The following ART3 variants were observed in gnomAD, a reference collection of about 807,000 sequenced individuals.
ART3 encodes ecto-ADP-ribosyltransferase 3.
ART3 carries 49 observed loss-of-function variants against 48.5 expected under a neutral mutation model. The ratio of observed to expected loss-of-function variants is 1.01; its 90% CI spans 0.80 to 1.28. The LOEUF (loss-of-function observed/expected upper bound fraction) is 1.28, where lower values mean the gene tolerates loss of function less well. Among genes scored for constraint, ART3 ranks in the 50% most tolerant of loss-of-function variants. The probability of loss-of-function intolerance (pLI) is 0.00; values close to 1 mark genes in which losing one functional copy is unlikely to be tolerated. For missense variants in ART3, 438 were observed against 454.3 expected, an observed-to-expected ratio of 0.96 and a Z score of 0.33; for synonymous variants, 145 against 157.2, an observed-to-expected ratio of 0.92 and a Z score of 0.58.
Position 76,103,937 on chromosome 4 carries a change from G to T in ART3, c.938G>T (p.Gly313Val), listed in dbSNP as rs765972654. The change falls in exon 9 of 12, where the codon GGT becomes GTT. Residue 313 changes from glycine to valine, a missense_variant and splice_region_variant. Gly to Val is a moderately radical substitution (Grantham distance 109). Transcript: ENST00000355810. The stretch of plus-strand genomic sequence containing the variant: ...AACCAATATTTATTTCTGCCTTTAG[G>T]TGTGAAAATCCTTGAACCCACCCAA... Reference protein sequence around the residue: ...GEKNQKLEDHGVKILEPTQIP... With the variant: ...GEKNQKLEDHVVKILEPTQIP... 7 of 1,612,758 alleles carry T rather than the reference G, an allele frequency of 4.3e-6. 1 individual carries two copies. Among genetic ancestry groups the T allele is most frequent in the African/African-American group, 2.7e-5 (2 of 74,758 alleles).
chr4:76,101,113 G>T, intron 8 of ART3, 94 bp downstream of exon 8: 1 of 1,484,458 alleles, frequency 6.7e-7, no homozygotes, highest in Non-Finnish European at 9.3e-7. Context: ...TAAGAAAAGT[G>T]GGAGGAAGGC....
At chr4:76,109,708 T>C (rs1348084873) in intron 11 of ART3, among the ~76,000 whole-genome samples, 5 of 152,192 alleles carry the variant, frequency 3.3e-5, no homozygotes, top group African/African-American at 9.7e-5. Flanking sequence ...TTCAGCTCTA[T>C]TATAATTATA....
chr4:76,036,103 G>A, intron 1 of ART3: 1 of 862,226 alleles, frequency 1.2e-6, no homozygotes. Flanking sequence ...CATATATAGA[G>A]CATTTTATAC....
chr4:76,099,422 G>GA lies in ART3; in HGVS notation c.847+442dup, dbSNP rs60241129. On this transcript the variant is annotated intron_variant, in intron 5 of 11. Transcript: ENST00000355810. The stretch of plus-strand genomic sequence containing the variant: ...AGCAGTGACTTGGCCTATATGAGAG[G>GA]AAAAAAATAAAGAACCTATTCTAGG... 1,212 of 176,074 alleles carry GA rather than the reference G, an allele frequency of 6.9e-3. 14 individuals are homozygous for GA. Among genetic ancestry groups the GA allele is most frequent in the African/African-American group, 0.028 (1,162 of 41,560 alleles). 10.9% of individuals were successfully genotyped at this position (176,074 alleles called of 1,614,324 possible).
intron 1 of ART3, among the ~76,000 whole-genome samples, chr4:76,030,611 T>C (rs10021768): frequency 0.61 from 93,136 of 152,018 alleles, 29,625 homozygotes; most frequent in East Asian, 0.94. Flanking sequence ...ACCCAGAAAC[T>C]CCATACTCAT....
At position 76,044,972 on chromosome 4, in the gene ART3, A is replaced by G. The variant is rs771745995; in HGVS notation, c.-9-30909A>G. ...TTTCCATATTGCAGCATGGGCATGT[A>G]GGATTAGATAAGCATACTTGTTATC... is the stretch of plus-strand genomic sequence containing the variant. On this transcript the variant is annotated intron_variant, in intron 1 of 9. Transcript: ENST00000341029. Among the ~76,000 whole-genome samples the G allele has an allele frequency of 1.8e-4, 27 of 152,058 alleles. 1 individual carries two copies. The highest frequency in any genetic ancestry group is 2.4e-4 in the Non-Finnish European group (16 of 67,976).
intron 1 of ART3, among the ~76,000 whole-genome samples, chr4:76,057,390 G>A (rs777165794): frequency 1.1e-4 from 17 of 152,080 alleles, no homozygotes; most frequent in Non-Finnish European, 1.9e-4. Flanking sequence ...AAGTACCAAC[G>A]CTCATTTCCT....
intron 3 of ART3, among the ~76,000 whole-genome samples, chr4:76,086,059 T>TCCCCC (rs67789570): frequency 1.5e-5 from 2 of 130,718 alleles, no homozygotes; most frequent in African/African-American, 5.8e-5. Context: ...TCAACAAGAG[T>TCCCCC]CCCCCCCCCC....
intron 3 of ART3, among the ~76,000 whole-genome samples, chr4:76,093,505 T>A (rs552366437): frequency 6.6e-6 from 1 of 152,206 alleles, no homozygotes; most frequent in Admixed American, 6.5e-5. Context: ...CTTCTACTTC[T>A]TGTTTTTTCC....
At chr4:76,074,355 T>A (rs148906525), upstream of ART3, among the ~76,000 whole-genome samples, 38 of 152,344 alleles carry the variant, frequency 2.5e-4, no homozygotes, top group African/African-American at 8.7e-4. Context: ...TGGTGATAGC[T>A]GTCACCATTG....
chr4:76,023,390 C>G, intron 1 of ART3: 1 of 1,613,806 alleles, frequency 6.2e-7, no homozygotes, highest in Non-Finnish European at 8.5e-7. Flanking sequence ...CACTTAGAGT[C>G]AGAAAGATAA....
intron 1 of ART3, among the ~76,000 whole-genome samples, chr4:76,051,440 C>T (rs1736077057): frequency 6.6e-6 from 1 of 152,046 alleles, no homozygotes; most frequent in African/African-American, 2.4e-5. Context: ...CTATTTTTTT[C>T]ATCAAAACTT....
chr4:76,105,462 T>C, intron 10 of ART3: 1 of 1,271,880 alleles, frequency 7.9e-7, no homozygotes, highest in Non-Finnish European at 1.0e-6. Context: ...TGAATGGTGG[T>C]AACATAGTAG....
chr4:76,065,552 A>AACACACACACACAC (rs56794781), intron 1 of ART3, among the ~76,000 whole-genome samples: 22,920 of 145,138 alleles, frequency 0.16, 1,943 homozygotes, highest in East Asian at 0.31. Context: ...ATAACCCTCC[A>AACACACACACACAC]ACACACACAC....
chr4:76,049,587 G>A (rs1009143704), intron 1 of ART3, among the ~76,000 whole-genome samples: 19 of 151,824 alleles, frequency 1.3e-4, no homozygotes, highest in African/African-American at 3.9e-4. Flanking sequence ...TCTTTAGTCC[G>A]GCAGCCTCAC....
At chr4:76,112,339 T>G (rs1729649807) in intron 11 of ART3, 47 bp from the exon 12 acceptor site, 1 of 1,571,626 alleles carries the variant, frequency 6.4e-7, no homozygotes, top group South Asian at 1.2e-5. Context: ...TGGATGATAC[T>G]TGACATAAAA....
intron 1 of ART3, chr4:76,041,096 A>G (rs773102561): frequency 2.0e-5 from 3 of 152,244 alleles, no homozygotes; most frequent in Admixed American, 6.5e-5. Context: ...TAGAGATAGA[A>G]CAGTGAACAA....
At chr4:76,022,437 C>A (rs1321193481) in intron 1 of ART3, 1 of 1,613,078 alleles carries the variant, frequency 6.2e-7, no homozygotes, top group African/African-American at 1.3e-5. Flanking sequence ...TCTTCTCACC[C>A]TTCTTTTTCA....
At chr4:76,056,940 G>A (rs1718743451) in intron 1 of ART3, among the ~76,000 whole-genome samples, 1 of 151,968 alleles carries the variant, frequency 6.6e-6, no homozygotes, top group Non-Finnish European at 1.5e-5. Flanking sequence ...AGTTTATCAT[G>A]GCTTACACAT....
Sources: allele counts gnomAD v4.1 joint callset (sites outside exome capture counted in the v4.1 genomes callset), GRCh38; gene constraint gnomAD v4.1.1; transcripts MANE v1.5; gene names NCBI Gene and HGNC (gene_info 2026-07-23, HGNC 2026-07-21).